The following SHOX variants were observed in gnomAD, a reference collection of about 807,000 sequenced individuals.
SHOX encodes short stature homeobox protein.
In SHOX, 12 loss-of-function variants were observed where a neutral mutation model predicts 29.6. That is an observed-to-expected ratio of 0.41 (90% CI 0.26 to 0.66). The LOEUF (loss-of-function observed/expected upper bound fraction) is 0.66. SHOX is among the 30% of genes least tolerant of loss of function. SHOX has a pLI of 0.35. For synonymous variants in SHOX, 214 were observed against 200.6 expected, an observed-to-expected ratio of 1.07 and a Z score of -0.57; for missense variants, 499 against 437.7, an observed-to-expected ratio of 1.14 and a Z score of -1.25.
Position 634,618 on chromosome X carries a change from G to C in SHOX, c.278G>C (p.Gly93Ala), listed in dbSNP as rs746224384. The change falls in exon 2 of 5, where the codon GGG becomes GCG. Residue 93 changes from glycine to alanine, a missense_variant and splice_region_variant. Gly to Ala is a moderately conservative substitution (Grantham distance 60). Coordinates refer to ENST00000686671, the MANE Select transcript of SHOX (RefSeq NM_000451.4). ...KEFGTARVAE[G>A]IYECKEKRED... Reference sequence around the variant, plus strand: ...CCTGTGCCCTCCGCTCCCCACGCAGGGATTTATGAATGCAAAGAGAAGCGC... The same window carrying C: ...CCTGTGCCCTCCGCTCCCCACGCAGCGATTTATGAATGCAAAGAGAAGCGC... 1.9e-6 allele frequency: 3 copies of C among 1,613,584 alleles called. No individual in the cohort carries two copies. In the Admixed American group the frequency reaches 5.0e-5, roughly 27 times the overall value.
At position 649,738 on chromosome X, in the gene SHOX, C is replaced by T. The variant is rs973788802; in HGVS notation, c.*5102C>T. On this transcript the variant is annotated 3_prime_UTR_variant, in exon 5 of 5. Transcript: ENST00000686671. ...ACACTGATAGGAACACGTTGCTGGC[C>T]GAACTGAACGATGCTGGGTTGGGTC... is the stretch of plus-strand genomic sequence containing the variant. Among the ~76,000 whole-genome samples, 2 of 152,040 alleles carry T rather than the reference C, an allele frequency of 1.3e-5. No individual in the cohort carries two copies. The highest frequency in any genetic ancestry group is 2.9e-5 in the Non-Finnish European group (2 of 67,994).
chrX:636,100 A>C (rs1049597271), intron 2 of SHOX, among the ~76,000 whole-genome samples: 13 of 151,534 alleles, frequency 8.6e-5, no homozygotes, highest in Non-Finnish European at 1.2e-4. Flanking sequence ...ATTTGATCCA[A>C]AGTGTGTTAC....
Position 624,894 on chromosome X carries a change from CT to C in SHOX, c.-433+295del, listed in dbSNP as rs1463109676. On this transcript the variant is annotated intron_variant, in intron 1 of 5. Transcript: ENST00000334060. ...TCTTTCTTTCTTTCTTTCTTTCTTT[CT>C]TTCTTTCTCTCTTCCTTTCTTTCTT... 9.0e-4 allele frequency among the ~76,000 whole-genome samples: 66 copies of C among 73,636 alleles called. 1 individual carries two copies. Among genetic ancestry groups the C allele is most frequent in the Middle Eastern group, 6.3e-3 (1 of 158 alleles). The allele number at this position is 73,636 out of a possible 152,430, so 48.3% of individuals were successfully genotyped here.
At chrX:627,294 A>C (rs768194658), upstream of SHOX, among the ~76,000 whole-genome samples, 2 of 152,306 alleles carry the variant, frequency 1.3e-5, no homozygotes, top group East Asian at 3.9e-4. Context: ...CGTGTGGGGT[A>C]GAAAAAGCTC....
intron 1 of SHOX, among the ~76,000 whole-genome samples, chrX:625,107 C>CT (rs2052497197): frequency 7.5e-6 from 1 of 132,516 alleles, no homozygotes; most frequent in Non-Finnish European, 1.5e-5. Context: ...CCCTTTCTTT[C>CT]TTCTTTCTTT....
intron 2 of SHOX, among the ~76,000 whole-genome samples, chrX:635,221 C>T (rs981019717): frequency 1.2e-4 from 18 of 152,072 alleles, no homozygotes; most frequent in African/African-American, 4.1e-4. Flanking sequence ...GCAACACATG[C>T]AAACAAAACT....
upstream of SHOX, among the ~76,000 whole-genome samples, chrX:627,181 C>T (rs56361592): frequency 4.6e-3 from 704 of 152,306 alleles, 7 homozygotes; most frequent in African/African-American, 0.015. Flanking sequence ...TGCCTGCAGC[C>T]GCCTGCTGTA....
In SHOX at chrX:651,183, C is replaced by T. The variant is rs2053055417; in HGVS notation, c.*6547C>T. ...CGAGTGTAAATTTGACATCGCGTTG[C>T]ATTTATTTTTATATTTCTGAAAACT... On this transcript the variant is annotated 3_prime_UTR_variant, in exon 5 of 5. Coordinates refer to ENST00000686671, the MANE Select transcript of SHOX (RefSeq NM_000451.4). 2.4e-6 allele frequency: 1 copy of T among 414,132 alleles called. No individual in the cohort carries two copies. 25.7% of individuals were successfully genotyped at this position (414,132 alleles called of 1,614,324 possible).
In SHOX at chrX:640,194, C is replaced by T. The variant is rs186857041; in HGVS notation, c.487-627C>T. On this transcript the variant is annotated intron_variant, in intron 2 of 4. Transcript: ENST00000686671. ...ACCCCATCTCTACTAAAAATACAAA[C>T]GTTAGCTAGGTGTGGTGGTGTGCGC... Among the ~76,000 whole-genome samples the T allele has an allele frequency of 7.6e-4, 114 of 150,372 alleles. 2 individuals are homozygous for T. Among genetic ancestry groups the T allele is most frequent in the African/African-American group, 2.7e-3 (109 of 40,918 alleles).
intron 2 of SHOX, 163 bp downstream of exon 2, chrX:634,989 C>A: frequency 9.3e-6 from 2 of 214,610 alleles, no homozygotes; most frequent in Non-Finnish European, 1.6e-5. Flanking sequence ...CTTTTGGAGA[C>A]GCCTGAGGCC....
downstream of SHOX, among the ~76,000 whole-genome samples, chrX:652,482 C>T (rs2053081446): frequency 1.3e-5 from 2 of 151,618 alleles, no homozygotes; most frequent in Non-Finnish European, 2.9e-5. Flanking sequence ...GACACAGCTG[C>T]CCACACAGGG....
At chrX:629,250 T>C (rs2052602672), upstream of SHOX, among the ~76,000 whole-genome samples, 1 of 151,226 alleles carries the variant, frequency 6.6e-6, no homozygotes, top group Non-Finnish European at 1.5e-5. Flanking sequence ...TCTCTCTCTG[T>C]CTCTCCCTGT....
At chrX:657,527 A>G (rs907440666) in intron 5 of SHOX, among the ~76,000 whole-genome samples, 2 of 152,188 alleles carry the variant, frequency 1.3e-5, no homozygotes, top group African/African-American at 4.8e-5. Flanking sequence ...TTTTCAGAGA[A>G]GAACCTGCAC....
In SHOX at chrX:649,629, C is replaced by G. The variant is rs771908122; in HGVS notation, c.*4993C>G. Among the ~76,000 whole-genome samples, 2 of 152,262 alleles carry G rather than the reference C, an allele frequency of 1.3e-5. No homozygotes were observed. Among genetic ancestry groups the G allele is most frequent in the African/African-American group, 4.8e-5 (2 of 41,562 alleles). Reference sequence around the variant, plus strand: ...CTCGCTCGCAGAGCAAGGAATACCACCCAGAGAGCAACGTGGGCTGTGTTC... The same window carrying G: ...CTCGCTCGCAGAGCAAGGAATACCAGCCAGAGAGCAACGTGGGCTGTGTTC... On this transcript the variant is annotated 3_prime_UTR_variant, in exon 5 of 5. Transcript: ENST00000686671.
intron 4 of SHOX, among the ~76,000 whole-genome samples, chrX:643,914 C>CCTTGGAGAGGCTTGGGGACCTGGTGAT (rs913824087): frequency 5.4e-5 from 8 of 147,958 alleles, no homozygotes; most frequent in East Asian, 2.1e-4. Flanking sequence ...GACCAGGTGA[C>CCTTGGAGAGGCTTGGGGACCTGGTGAT]CTTGGAGAGG....
intron 2 of SHOX, among the ~76,000 whole-genome samples, chrX:637,615 T>A (rs1214486140): frequency 6.6e-6 from 1 of 152,126 alleles, no homozygotes; most frequent in Middle Eastern, 3.4e-3. Context: ...TAATTCTCCA[T>A]CGCCGCGGGG....
upstream of SHOX, chrX:630,649 G>A (rs989048081): frequency 3.0e-5 from 18 of 600,848 alleles, no homozygotes; most frequent in African/African-American, 3.3e-4. Context: ...GCCAATTGCC[G>A]GCCTGGGGGG....
At chrX:653,856 G>A (rs988147189), downstream of SHOX, among the ~76,000 whole-genome samples, 1 of 151,924 alleles carries the variant, frequency 6.6e-6, no homozygotes, top group Admixed American at 6.6e-5. Flanking sequence ...TGCAGAGAAA[G>A]CAAAAACACT....
In SHOX at chrX:644,505, A is replaced by G. The variant is rs1416524454; in HGVS notation, c.748A>G (p.Ile250Val). 1 of 1,520,932 alleles carries G rather than the reference A, an allele frequency of 6.6e-7. No individual in the cohort carries two copies. Among genetic ancestry groups the G allele is most frequent in the African/African-American group, 1.4e-5 (1 of 70,570 alleles). 94.2% of individuals were successfully genotyped at this position (1,520,932 alleles called of 1,614,324 possible). A position where few individuals can be genotyped will look rare whatever the true frequency, so the allele number is the denominator to read the frequency against. The change falls in exon 5 of 5, where the codon ATC becomes GTC. Residue 250 changes from isoleucine to valine, a missense_variant. Coordinates refer to ENST00000686671, the MANE Select transcript of SHOX (RefSeq NM_000451.4). ...CCCCCCGCCGCCCTTCGGGCTGCCC[A>G]TCGCGTCGCTGGCCGAGTCCGCCTC... ...MFPPPPFGLP[I>V]ASLAESASAA... is the part of the protein sequence containing the mutation.
Sources: gnomAD v4.1 joint callset for allele counts (sites outside exome capture counted in the v4.1 genomes callset) on GRCh38, gnomAD v4.1.1 for gene constraint, MANE v1.5 for transcripts, NCBI Gene and HGNC (gene_info 2026-07-23, HGNC 2026-07-21) for gene names.